Variants in PILRA observed in about 807,000 individuals in gnomAD.
The protein encoded by PILRA is paired immunoglobin like type 2 receptor alpha.
In PILRA, 37 loss-of-function variants were observed where a neutral mutation model predicts 33.1. The observed-to-expected ratio is 1.12, with a 90% CI of 0.86 to 1.47. PILRA has a LOEUF of 1.47. Ranked by LOEUF, PILRA falls within the 40% of genes most tolerant of loss-of-function variation. The pLI is 0.00. For missense variants in PILRA, 312 were observed against 376.2 expected (o/e 0.83, Z 1.41); for synonymous variants, 146 against 149.9 (o/e 0.97, Z 0.19).
At chr7:100,382,845 T>C (rs1189855170) in intron 2 of PILRA, among the ~76,000 whole-genome samples, 1 of 152,066 alleles carries the variant, frequency 6.6e-6, no homozygotes, top group Non-Finnish European at 1.5e-5. Flanking sequence ...CACGAACCCA[T>C]AAAAAGGAAG....
chr7:100,395,721 A>G (rs1318345754), intron 3 of PILRA, among the ~76,000 whole-genome samples: 2 of 152,126 alleles, frequency 1.3e-5, no homozygotes, highest in Non-Finnish European at 2.9e-5. Flanking sequence ...AAGTGTGTAA[A>G]TGACAAGTGT....
In PILRA at chr7:100,373,559, CCTCA is replaced by C; in HGVS notation, c.-92_-89del. ...CTCTTCGGAGCCTGAGCCCGGCTCT[CCTCA>C]CTCACCTCAACCCCCAGGCGGCCCC... is the stretch of plus-strand genomic sequence containing the variant. On this transcript the variant is annotated 5_prime_UTR_variant, in exon 1 of 7. Transcript: ENST00000198536. 1.4e-6 allele frequency: 2 copies of C among 1,396,944 alleles called. No individual in the cohort carries two copies. The highest frequency in any genetic ancestry group is 2.0e-6 in the Non-Finnish European group (2 of 990,672). 86.5% of individuals were successfully genotyped at this position (1,396,944 alleles called of 1,614,324 possible).
At chr7:100,391,184 A>T (rs2906647) in intron 3 of PILRA, among the ~76,000 whole-genome samples, 6,043 of 121,830 alleles carry the variant, frequency 0.05, 181 homozygotes, top group Middle Eastern at 0.11. Context: ...TAATAATAAT[A>T]ATTATTATTA....
At chr7:100,388,686 C>T (rs533408040) in intron 2 of PILRA, among the ~76,000 whole-genome samples, 1 of 136,798 alleles carries the variant, frequency 7.3e-6, no homozygotes, top group South Asian at 2.2e-4. Flanking sequence ...GCGGAGGTTG[C>T]AGTGAGCCGA....
chr7:100,397,722 G>A (rs1392491519), intron 3 of PILRA, among the ~76,000 whole-genome samples, 157 bp from the exon 4 acceptor site: 2 of 152,112 alleles, frequency 1.3e-5, no homozygotes, highest in Non-Finnish European at 1.5e-5. Context: ...TCAGGGTGCC[G>A]GCTGAGTCCC....
intron 2 of PILRA, among the ~76,000 whole-genome samples, chr7:100,388,077 G>A (rs1791292555): frequency 6.6e-6 from 1 of 151,722 alleles, no homozygotes; most frequent in Non-Finnish European, 1.5e-5. Context: ...CATACTCCAG[G>A]GTTCTTTTTT....
At chr7:100,397,998 G>A in intron 4 of PILRA, 86 bp downstream of exon 4, 1 of 1,373,564 alleles carries the variant, frequency 7.3e-7, no homozygotes, top group Non-Finnish European at 1.0e-6. Flanking sequence ...GTGCTGCTAA[G>A]AACCCCACAA....
chr7:100,378,810 C>T lies in PILRA; in HGVS notation c.454+4377C>T, dbSNP rs143771374. On this transcript the variant is annotated intron_variant, in intron 2 of 6. Transcript: ENST00000198536. Reference sequence around the variant, plus strand: ...TGTCATTGTAAAAGTAATGCATAGGCAGCCAGGCGTGGTGGCTCACACCTG... The same window carrying T: ...TGTCATTGTAAAAGTAATGCATAGGTAGCCAGGCGTGGTGGCTCACACCTG... Among the ~76,000 whole-genome samples the T allele has an allele frequency of 1.3e-4, 20 of 152,064 alleles. No individual in the cohort carries two copies. The East Asian group carries it at 2.1e-3, about 16-fold the overall frequency.
At chr7:100,399,493 A>G in intron 5 of PILRA, 88 bp from the exon 6 acceptor site, 4 of 1,507,134 alleles carry the variant, frequency 2.7e-6, no homozygotes, top group Non-Finnish European at 3.7e-6. Context: ...GACCTAGCAG[A>G]TAACCTCACT....
At chr7:100,383,272 A>G (rs1791160872) in intron 2 of PILRA, among the ~76,000 whole-genome samples, 1 of 152,108 alleles carries the variant, frequency 6.6e-6, no homozygotes, top group Non-Finnish European at 1.5e-5. Flanking sequence ...ATGTGTAGAG[A>G]GGAACTGTGG....
chr7:100,395,615 A>G (rs932844627), intron 3 of PILRA, among the ~76,000 whole-genome samples: 2 of 152,108 alleles, frequency 1.3e-5, no homozygotes, highest in African/African-American at 2.4e-5. Flanking sequence ...AATCACCAAC[A>G]AGCAGATGAA....
intron 2 of PILRA, among the ~76,000 whole-genome samples, chr7:100,389,414 C>A (rs1791325889): frequency 6.6e-6 from 1 of 152,118 alleles, no homozygotes; most frequent in African/African-American, 2.4e-5. Flanking sequence ...TTTTATGTTA[C>A]CTGTATTGGC....
At chr7:100,397,941 TG>T (rs1254766222) in intron 4 of PILRA, 29 bp downstream of exon 4, 1 of 1,612,424 alleles carries the variant, frequency 6.2e-7, no homozygotes. Flanking sequence ...CAGGGTGGGT[TG>T]GGGGGTGCAT....
chr7:100,393,901 G>T (rs775632806), intron 3 of PILRA, among the ~76,000 whole-genome samples: 1 of 151,980 alleles, frequency 6.6e-6, no homozygotes, highest in Non-Finnish European at 1.5e-5. Context: ...ACTTCTTCAC[G>T]TGTGAGAGCC....
At chr7:100,387,279 T>A (rs1382359431) in intron 2 of PILRA, among the ~76,000 whole-genome samples, 1 of 152,198 alleles carries the variant, frequency 6.6e-6, no homozygotes, top group Admixed American at 6.5e-5. Flanking sequence ...AGTAGCATGA[T>A]CTTGGCTCAC....
At chr7:100,378,981 T>C (rs1159473570) in intron 2 of PILRA, among the ~76,000 whole-genome samples, 1 of 150,354 alleles carries the variant, frequency 6.7e-6, no homozygotes, top group Non-Finnish European at 1.5e-5. Context: ...TAGTCCCAGC[T>C]ACTCCGGAGG....
intron 2 of PILRA, among the ~76,000 whole-genome samples, chr7:100,385,837 C>T (rs1791240616): frequency 1.3e-5 from 2 of 152,130 alleles, no homozygotes; most frequent in Admixed American, 1.3e-4. Flanking sequence ...CCATGTTGGT[C>T]AGGCTGGTCT....
intron 3 of PILRA, among the ~76,000 whole-genome samples, chr7:100,397,302 G>A (rs1478662464): frequency 1.3e-5 from 2 of 151,952 alleles, no homozygotes; most frequent in African/African-American, 2.4e-5. Context: ...AACACTGCAA[G>A]GATGCCACGG....
In PILRA at chr7:100,399,591, A is replaced by C; in HGVS notation, c.768A>C (p.Thr256=). The C allele has an allele frequency of 6.2e-7, 1 of 1,614,192 alleles. No homozygotes were observed. Among genetic ancestry groups the C allele is most frequent in the Non-Finnish European group, 8.5e-7 (1 of 1,180,024 alleles). Residue 256 remains threonine (T), a synonymous_variant, in exon 6 of 7, where the codon ACA becomes ACC. Transcript: ENST00000198536. ...GCTTTTTATTCTTAGGACAAAATACAGATCCCAAGCTAAATCCCAAGGTAA... is the reference window on the plus strand; with the variant it reads ...GCTTTTTATTCTTAGGACAAAATACCGATCCCAAGCTAAATCCCAAGGTAA... ...YENIRNEGQN[T]DPKLNPKDDG... is the part of the protein sequence containing the mutation.
Sources: gnomAD v4.1 joint callset for allele counts (sites outside exome capture counted in the v4.1 genomes callset) on GRCh38, gnomAD v4.1.1 for gene constraint, MANE v1.5 for transcripts, NCBI Gene and HGNC (gene_info 2026-07-23, HGNC 2026-07-21) for gene names.